Variants in LRP1B observed in about 807,000 individuals in gnomAD.
LRP1B encodes LDL receptor related protein 1B, also known as low-density lipoprotein receptor-related protein 1B.
Under a neutral mutation model 556.6 loss-of-function variants are expected in LRP1B, and 217 were observed. The observed-to-expected ratio is 0.39, with a 90% CI of 0.35 to 0.44. The LOEUF (loss-of-function observed/expected upper bound fraction) is 0.44, where lower values mean the gene tolerates loss of function less well. Ranked by LOEUF, LRP1B falls within the 20% of genes least tolerant of loss-of-function variation. LRP1B has a pLI of 1.00. For missense variants in LRP1B, 5,053 were observed against 5,620.8 expected, an observed-to-expected ratio of 0.90 and a Z score of 3.23; for synonymous variants, 2,047 against 1,865.8, an observed-to-expected ratio of 1.10 and a Z score of -2.50.
At chr2:140,428,672 C>G (rs1415520138) in intron 66 of LRP1B, among the ~76,000 whole-genome samples, 1 of 152,146 alleles carries the variant, frequency 6.6e-6, no homozygotes, top group East Asian at 1.9e-4. Context: ...CTTCGAGTAA[C>G]TGTCACAGTG....
At chr2:140,267,647 A>G (rs1682269039) in intron 86 of LRP1B, among the ~76,000 whole-genome samples, 1 of 151,866 alleles carries the variant, frequency 6.6e-6, no homozygotes, top group African/African-American at 2.4e-5. Context: ...ATTTCCAAAT[A>G]CTTCTGATTT....
chr2:141,525,611 A>G (rs1439588659), intron 2 of LRP1B, among the ~76,000 whole-genome samples: 1 of 152,066 alleles, frequency 6.6e-6, no homozygotes, highest in Non-Finnish European at 1.5e-5. Flanking sequence ...CACTTTTTAG[A>G]GCAAATATAT....
chr2:141,209,764 G>A (rs746677661), intron 6 of LRP1B, among the ~76,000 whole-genome samples: 1 of 152,130 alleles, frequency 6.6e-6, no homozygotes, highest in Non-Finnish European at 1.5e-5. Context: ...AAAAGAAAAG[G>A]AGAAAGTTAA....
intron 1 of LRP1B, among the ~76,000 whole-genome samples, chr2:141,983,176 AG>A: frequency 1.9e-5 from 1 of 51,396 alleles, no homozygotes; most frequent in South Asian, 5.1e-4. Flanking sequence ...AATGGACAGA[AG>A]TAGAAAAAAT....
intron 1 of LRP1B, among the ~76,000 whole-genome samples, chr2:141,933,767 G>T (rs1242574877): frequency 6.6e-6 from 1 of 152,112 alleles, no homozygotes; most frequent in Admixed American, 6.6e-5. Context: ...CTTTAAATTA[G>T]TTCTATGATG....
At chr2:141,271,887 A>G (rs1331502042) in intron 3 of LRP1B, among the ~76,000 whole-genome samples, 1 of 151,970 alleles carries the variant, frequency 6.6e-6, no homozygotes, top group Non-Finnish European at 1.5e-5. Flanking sequence ...AATTATGTAC[A>G]TAATTGTATC....
At chr2:140,594,338 G>GA (rs200978310) in intron 43 of LRP1B, among the ~76,000 whole-genome samples, 3,079 of 152,236 alleles carry the variant, frequency 0.02, 103 homozygotes, top group African/African-American at 0.07. Context: ...GCTACATGCT[G>GA]TTTTCCATTC....
intron 66 of LRP1B, among the ~76,000 whole-genome samples, chr2:140,422,241 AAT>A (rs1685476520): frequency 1.3e-5 from 2 of 152,194 alleles, no homozygotes; most frequent in Non-Finnish European, 2.9e-5. Flanking sequence ...GCAGTACATA[AAT>A]ATACGACACC....
At chr2:141,994,001 G>T (rs922898525) in intron 1 of LRP1B, among the ~76,000 whole-genome samples, 17 of 151,824 alleles carry the variant, frequency 1.1e-4, no homozygotes, top group Non-Finnish European at 2.1e-4. Flanking sequence ...TATCCTTACT[G>T]CTCTTGACTT....
At chr2:141,436,100 C>CTATT (rs556712568) in intron 3 of LRP1B, among the ~76,000 whole-genome samples, 1 of 152,218 alleles carries the variant, frequency 6.6e-6, no homozygotes, top group East Asian at 1.9e-4. Flanking sequence ...AGTAAAATGT[C>CTATT]TATTTATTTA....
chr2:141,198,819 C>T (rs1681872782), intron 6 of LRP1B, among the ~76,000 whole-genome samples: 2 of 152,250 alleles, frequency 1.3e-5, no homozygotes, highest in South Asian at 2.1e-4. Context: ...CTTACTCGAT[C>T]CACAAATCAA....
At chr2:140,823,710 G>A (rs1333552462) in intron 31 of LRP1B, among the ~76,000 whole-genome samples, 1 of 151,290 alleles carries the variant, frequency 6.6e-6, no homozygotes, top group Non-Finnish European at 1.5e-5. Flanking sequence ...TATATATATA[G>A]TTTAAATATA....
intron 7 of LRP1B, among the ~76,000 whole-genome samples, chr2:141,086,195 T>A (rs1700042944): frequency 6.6e-6 from 1 of 152,238 alleles, no homozygotes; most frequent in African/African-American, 2.4e-5. Flanking sequence ...GAACGTTCTC[T>A]ATTTTTTAGA....
chr2:141,050,043 T>C (rs1306135516), intron 10 of LRP1B, among the ~76,000 whole-genome samples: 1 of 151,984 alleles, frequency 6.6e-6, no homozygotes, highest in African/African-American at 2.4e-5. Context: ...GTTAACTGTG[T>C]ATAATTTTAA....
intron 41 of LRP1B, among the ~76,000 whole-genome samples, chr2:140,687,921 C>A (rs147561733): frequency 6.6e-6 from 1 of 152,120 alleles, no homozygotes; most frequent in Non-Finnish European, 1.5e-5. Context: ...GAATTCATCA[C>A]CCAGCCCCTC....
intron 1 of LRP1B, among the ~76,000 whole-genome samples, chr2:142,087,727 G>T (rs1202694561): frequency 6.6e-6 from 1 of 151,824 alleles, no homozygotes; most frequent in African/African-American, 2.4e-5. Context: ...TACCAAGCTA[G>T]ATCTTTTGTA....
Position 140,526,294 on chromosome 2 carries a change from A to T in LRP1B, c.7819T>A (p.Ser2607Thr). The change falls in exon 48 of 91, where the codon TCA becomes ACA. Residue 2607 changes from serine to threonine, a missense_variant. Physicochemically the swap from Ser to Thr is moderately conservative, Grantham distance 58 (BLOSUM62 1). Coordinates refer to ENST00000389484, the MANE Select transcript of LRP1B (RefSeq NM_018557.3). ...TCTATGTTCTGGTTGCATCGTGCTGATCTTGGAATACAAGTCCCATCTGCA... is the reference window on the plus strand; with the variant it reads ...TCTATGTTCTGGTTGCATCGTGCTGTTCTTGGAATACAAGTCCCATCTGCA... ...RCADGTCIPR[S>T]ARCNQNIDCA... 1.2e-6 allele frequency: 2 copies of T among 1,612,100 alleles called. No individual in the cohort carries two copies. The highest frequency in any genetic ancestry group is 1.7e-6 in the Non-Finnish European group (2 of 1,178,674).
At chr2:140,515,276 C>A (rs1030495039) in intron 50 of LRP1B, among the ~76,000 whole-genome samples, 1 of 151,902 alleles carries the variant, frequency 6.6e-6, no homozygotes, top group Non-Finnish European at 1.5e-5. Context: ...CAGTTTTGTA[C>A]GTAGCAACTG....
At chr2:140,546,076 G>A (rs1197610721) in intron 43 of LRP1B, among the ~76,000 whole-genome samples, 1 of 150,564 alleles carries the variant, frequency 6.6e-6, no homozygotes, top group Non-Finnish European at 1.5e-5. Context: ...TGATTTGGTT[G>A]TTGGTTTGGT....
Sources: gnomAD v4.1 joint callset for allele counts (sites outside exome capture counted in the v4.1 genomes callset) on GRCh38, gnomAD v4.1.1 for gene constraint, MANE v1.5 for transcripts, NCBI Gene and HGNC (gene_info 2026-07-23, HGNC 2026-07-21) for gene names.